The following RALYL variants were observed in gnomAD, a reference collection of about 807,000 sequenced individuals.
The protein encoded by RALYL is RNA-binding Raly-like protein.
Under a neutral mutation model 35.1 loss-of-function variants are expected in RALYL, and 29 were observed. The ratio of observed to expected loss-of-function variants is 0.83; its 90% confidence interval spans 0.61 to 1.13. The LOEUF (loss-of-function observed/expected upper bound fraction) is 1.13. Ranked by LOEUF, RALYL falls within the 50% of genes most tolerant of loss-of-function variation. The pLI, the probability that RALYL is intolerant of heterozygous loss-of-function variation, is 0.00. For synonymous variants in RALYL, 120 were observed against 127.6 expected (o/e 0.94, Z 0.40); for missense variants, 359 against 360.4 (o/e 1.00, Z 0.03).
At chr8:84,207,311 T>C (rs1818286374) in intron 1 of RALYL, among the ~76,000 whole-genome samples, 1 of 151,908 alleles carries the variant, frequency 6.6e-6, no homozygotes, top group African/African-American at 2.4e-5. Context: ...TATAACATTA[T>C]ATATATGAAG....
At chr8:84,414,941 C>T (rs1248267633) in intron 1 of RALYL, among the ~76,000 whole-genome samples, 1 of 152,118 alleles carries the variant, frequency 6.6e-6, no homozygotes, top group African/African-American at 2.4e-5. Flanking sequence ...CAAGGTCAGA[C>T]TTCTACCACT....
At chr8:84,463,878 T>C (rs2051144205) in intron 1 of RALYL, among the ~76,000 whole-genome samples, 1 of 152,004 alleles carries the variant, frequency 6.6e-6, no homozygotes. Context: ...CATCACCCCA[T>C]ATATTTCCAC....
chr8:84,463,109 C>G (rs2051008260), intron 1 of RALYL, among the ~76,000 whole-genome samples: 1 of 151,914 alleles, frequency 6.6e-6, no homozygotes, highest in Non-Finnish European at 1.5e-5. Flanking sequence ...GTCTTTCACT[C>G]TTTCTCATAG....
At chr8:84,410,085 T>C (rs73304333) in intron 1 of RALYL, among the ~76,000 whole-genome samples, 4,485 of 152,082 alleles carry the variant, frequency 0.029, 215 homozygotes, top group African/African-American at 0.1. Context: ...CTTGAAATTC[T>C]CACAGTATTC....
intron 2 of RALYL, among the ~76,000 whole-genome samples, chr8:84,554,899 C>T (rs368855540): frequency 6.6e-6 from 1 of 151,992 alleles, no homozygotes; most frequent in African/African-American, 2.4e-5. Context: ...TCATGTGAGT[C>T]GCCCATTTTT....
intron 1 of RALYL, among the ~76,000 whole-genome samples, chr8:84,224,952 G>A (rs1823485488): frequency 6.6e-6 from 1 of 152,176 alleles, no homozygotes; most frequent in Non-Finnish European, 1.5e-5. Context: ...ACTGCACCCG[G>A]CCACTTCATT....
chr8:84,876,627 T>A (rs970530336), intron 7 of RALYL, among the ~76,000 whole-genome samples: 4 of 152,216 alleles, frequency 2.6e-5, no homozygotes, highest in African/African-American at 9.6e-5. Context: ...CTACATTTTT[T>A]AAAAAATTAC....
intron 1 of RALYL, among the ~76,000 whole-genome samples, chr8:84,188,769 T>C (rs1813155661): frequency 6.6e-6 from 1 of 152,168 alleles, no homozygotes; most frequent in Non-Finnish European, 1.5e-5. Flanking sequence ...TTGCCAACTT[T>C]AGTAGTTTTG....
Position 84,759,741 on chromosome 8 carries a change from A to G in RALYL, c.257-14838A>G, listed in dbSNP as rs539185743. ...TATTGATGTTGCACAGATATTGTACAGATTCATTTATAATTCAGAAATTGA... is the reference window on the plus strand; with the variant it reads ...TATTGATGTTGCACAGATATTGTACGGATTCATTTATAATTCAGAAATTGA... On this transcript the variant is annotated intron_variant, in intron 2 of 8. Coordinates refer to ENST00000521268, the MANE Select transcript of RALYL (RefSeq NM_173848.7). Among the ~76,000 whole-genome samples the G allele has an allele frequency of 3.3e-5, 5 of 152,356 alleles. No individual in the cohort carries two copies. In the South Asian group the frequency reaches 1.0e-3, roughly 32 times the overall value.
chr8:84,867,961 A>T (rs762656993), intron 6 of RALYL, among the ~76,000 whole-genome samples: 3 of 152,308 alleles, frequency 2.0e-5, no homozygotes, highest in Non-Finnish European at 2.9e-5. Context: ...AGATAATTTC[A>T]ATATCAGGTG....
intron 2 of RALYL, among the ~76,000 whole-genome samples, chr8:84,595,600 T>C (rs2130634125): frequency 6.6e-6 from 1 of 152,200 alleles, no homozygotes; most frequent in East Asian, 1.9e-4. Context: ...ATCTTAATGT[T>C]AAACAAAATG....
At chr8:84,325,165 T>C (rs1236209226) in intron 1 of RALYL, among the ~76,000 whole-genome samples, 1 of 152,170 alleles carries the variant, frequency 6.6e-6, no homozygotes, top group Non-Finnish European at 1.5e-5. Flanking sequence ...TTTTCTGTTA[T>C]GGGGAGAGGG....
Position 84,395,872 on chromosome 8 carries a change from C to A in RALYL, c.-23-133427C>A, listed in dbSNP as rs145138838. 2.4e-3 allele frequency among the ~76,000 whole-genome samples: 369 copies of A among 151,986 alleles called. 1 individual carries two copies. Among genetic ancestry groups the A allele is most frequent in the African/African-American group, 8.5e-3 (354 of 41,552 alleles). ...CTTCCTTTCCTAGGGATGTAAATTT[C>A]ACTATTATAATCTTTATTTATAAGT... On this transcript the variant is annotated intron_variant, in intron 1 of 8. Coordinates refer to ENST00000521268, the MANE Select transcript of RALYL (RefSeq NM_173848.7).
intron 7 of RALYL, among the ~76,000 whole-genome samples, chr8:84,882,045 T>C (rs1019924989): frequency 2.0e-5 from 3 of 152,022 alleles, no homozygotes; most frequent in Non-Finnish European, 2.9e-5. Flanking sequence ...TTTCAAGGAC[T>C]AAAGTTAATG....
chr8:84,285,092 T>G (rs896061375), intron 1 of RALYL, among the ~76,000 whole-genome samples: 1 of 152,188 alleles, frequency 6.6e-6, no homozygotes, highest in Non-Finnish European at 1.5e-5. Flanking sequence ...CAAGGCCTAA[T>G]AAGTTCATTT....
intron 1 of RALYL, among the ~76,000 whole-genome samples, chr8:84,429,919 G>C (rs977522432): frequency 6.6e-6 from 1 of 151,312 alleles, no homozygotes. Context: ...TAACTTATAC[G>C]TATTGCCCCT....
chr8:84,305,886 A>G (rs746263460), intron 1 of RALYL, among the ~76,000 whole-genome samples: 29 of 152,178 alleles, frequency 1.9e-4, no homozygotes, highest in Non-Finnish European at 3.7e-4. Context: ...GAAAACAAAG[A>G]GTATGTAATT....
chr8:84,573,241 T>C (rs1194283020), intron 2 of RALYL, among the ~76,000 whole-genome samples: 1 of 151,690 alleles, frequency 6.6e-6, no homozygotes, highest in African/African-American at 2.4e-5. Flanking sequence ...TCTAGGGTTC[T>C]TTTCTTTCCA....
chr8:84,683,873 A>G (rs553254263), intron 2 of RALYL, among the ~76,000 whole-genome samples: 2 of 152,138 alleles, frequency 1.3e-5, no homozygotes, highest in Admixed American at 1.3e-4. Context: ...TTAAGTAGAG[A>G]CCAAGTTTCA....
Sources: gnomAD v4.1 joint callset for allele counts (sites outside exome capture counted in the v4.1 genomes callset) on GRCh38, gnomAD v4.1.1 for gene constraint, MANE v1.5 for transcripts, NCBI Gene and HGNC (gene_info 2026-07-23, HGNC 2026-07-21) for gene names.